The following DIAPH1 variants were observed in gnomAD, a reference collection of about 807,000 sequenced individuals.
DIAPH1 encodes the protein diaphanous related formin 1.
A neutral mutation model predicts 140.7 loss-of-function variants in DIAPH1; 46 were observed. That is an observed-to-expected ratio of 0.33 (90% CI 0.26 to 0.42). The LOEUF (loss-of-function observed/expected upper bound fraction) is 0.42. Among genes scored for constraint, DIAPH1 ranks in the 10% least tolerant of loss-of-function variants. The pLI is 1.00. For synonymous variants in DIAPH1, 565 were observed against 551.6 expected (o/e 1.02, Z -0.34); for missense variants, 1,310 against 1,558.7 (o/e 0.84, Z 2.69).
Position 141,516,829 on chromosome 5 carries a change from T to A in DIAPH1, c.*22A>T, listed in dbSNP as rs768757611. ...ACAGTCTGCGGCTCCGCTGAGGAGCTGCCGCGGTCACAGGACCCACATTAG... is the reference window on the plus strand; with the variant it reads ...ACAGTCTGCGGCTCCGCTGAGGAGCAGCCGCGGTCACAGGACCCACATTAG... On this transcript the variant is annotated 3_prime_UTR_variant, in exon 28 of 28. Coordinates refer to ENST00000389054, the MANE Select transcript of DIAPH1 (RefSeq NM_005219.5). The A allele has an allele frequency of 3.1e-6, 5 of 1,613,464 alleles. No individual in the cohort carries two copies. Among genetic ancestry groups the A allele is most frequent in the African/African-American group, 1.3e-5 (1 of 74,934 alleles).
At chr5:141,618,604 C>G in intron 1 of DIAPH1, 194 bp downstream of exon 1, 2 of 489,114 alleles carry the variant, frequency 4.1e-6, no homozygotes, top group South Asian at 5.0e-5. Context: ...GGGCAAGAGC[C>G]GGGTGGGATT....
chr5:141,525,911 A>G, intron 26 of DIAPH1, 127 bp downstream of exon 26: 2 of 1,455,406 alleles, frequency 1.4e-6, no homozygotes, highest in Non-Finnish European at 1.9e-6. Context: ...AGGATCTCGG[A>G]GTGAAGACTG....
intron 1 of DIAPH1, among the ~76,000 whole-genome samples, chr5:141,617,312 A>G (rs987914353): frequency 5.3e-5 from 8 of 152,134 alleles, no homozygotes; most frequent in Admixed American, 1.3e-4. Context: ...GGGGAAAAAA[A>G]GATGTTCACC....
chr5:141,584,244 A>G lies in DIAPH1; in HGVS notation c.301-19T>C, dbSNP rs1331071780. 1 of 1,522,806 alleles carries G rather than the reference A, an allele frequency of 6.6e-7. No homozygotes were observed. Among genetic ancestry groups the G allele is most frequent in the Non-Finnish European group, 9.1e-7 (1 of 1,098,502 alleles). The allele number at this position is 1,522,806 out of a possible 1,614,324, so 94.3% of individuals were successfully genotyped here. The stretch of plus-strand genomic sequence containing the variant: ...TATCCAGCTAGGAGAGGGAGAAAAA[A>G]GAGAAAAAACAAAATTGCCTCAAAT... On this transcript the variant is annotated intron_variant, in intron 3 of 27. Transcript: ENST00000389054.
At chr5:141,588,354 G>T in intron 1 of DIAPH1, 104 bp from the exon 2 acceptor site, 1 of 824,238 alleles carries the variant, frequency 1.2e-6, no homozygotes, top group Non-Finnish European at 2.1e-6. Context: ...GAGAGAAGTT[G>T]AAAGGATCCA....
intron 24 of DIAPH1, 27 bp downstream of exon 24, chr5:141,527,546 C>G (rs778617853): frequency 1.2e-6 from 2 of 1,612,878 alleles, no homozygotes; most frequent in Admixed American, 3.3e-5. Flanking sequence ...TCCTAGGGAA[C>G]AACTCCCTCC....
intron 8 of DIAPH1, 113 bp downstream of exon 8, chr5:141,580,631 A>T: frequency 2.8e-6 from 3 of 1,065,802 alleles, no homozygotes; most frequent in Non-Finnish European, 4.3e-6. Flanking sequence ...AAGAAACACA[A>T]TCTTACCTAG....
chr5:141,561,365 T>G (rs2099893499), intron 18 of DIAPH1, among the ~76,000 whole-genome samples: 1 of 136,212 alleles, frequency 7.3e-6, no homozygotes. Flanking sequence ...AAGAGTTTTG[T>G]TTTTTTTTTT....
At chr5:141,591,716 A>ATATATATATATATATATTTATC (rs2099898485) in intron 1 of DIAPH1, among the ~76,000 whole-genome samples, 1 of 116,432 alleles carries the variant, frequency 8.6e-6, no homozygotes, top group Non-Finnish European at 1.8e-5. Context: ...ATATATATAT[A>ATATATATATATATATATTTATC]TATATATATA....
intron 1 of DIAPH1, among the ~76,000 whole-genome samples, chr5:141,601,038 G>C (rs540354668): frequency 2.4e-4 from 37 of 152,042 alleles, no homozygotes; most frequent in African/African-American, 8.4e-4. Context: ...GAGAACACCT[G>C]GACACAAGGT....
chr5:141,583,332 T>A, intron 5 of DIAPH1, 40 bp from the exon 6 acceptor site: 1 of 1,607,912 alleles, frequency 6.2e-7, no homozygotes, highest in Non-Finnish European at 8.5e-7. Context: ...ATCAAACCAA[T>A]AAATACTTAT....
At chr5:141,561,007 A>G (rs2154595962) in intron 18 of DIAPH1, 1 of 449,676 alleles carries the variant, frequency 2.2e-6, no homozygotes, top group East Asian at 7.0e-5. Context: ...CTTCTCCTCC[A>G]ATCCCTAGTC....
chr5:141,616,850 A>C (rs2099902766), intron 1 of DIAPH1, among the ~76,000 whole-genome samples: 1 of 152,222 alleles, frequency 6.6e-6, no homozygotes. Context: ...CTCTAAAGCA[A>C]ATACCTACAA....
At chr5:141,618,523 C>A in intron 1 of DIAPH1, 1 of 345,496 alleles carries the variant, frequency 2.9e-6, no homozygotes, top group Non-Finnish European at 5.4e-6. Flanking sequence ...GGGCTGAGAG[C>A]CGGCCGGGGA....
In DIAPH1 at chr5:141,579,175, T is replaced by C. The variant is rs768839214; in HGVS notation, c.846A>G (p.Ala282=). ...PEDMNERVLE[A]MTERAEMDEV... is the part of the protein sequence containing the mutation. ...CATCCATCTCAGCTCTTTCTGTCAT[T>C]GCCTCCAAAACCCTTTCATTCCTGC... Residue 282 remains alanine (A), a synonymous_variant, in exon 9 of 28, where the codon GCA becomes GCG. Transcript: ENST00000389054. The C allele has an allele frequency of 1.2e-6, 2 of 1,614,160 alleles. No homozygotes were observed. The highest frequency in any genetic ancestry group is 3.3e-5 in the Admixed American group (2 of 60,024).
intron 18 of DIAPH1, among the ~76,000 whole-genome samples, chr5:141,545,522 T>TA (rs2154595483): frequency 6.6e-6 from 1 of 152,226 alleles, no homozygotes; most frequent in African/African-American, 2.4e-5. Flanking sequence ...CACATGCTTA[T>TA]AGTCCCAGCT....
intron 1 of DIAPH1, chr5:141,618,499 A>G: frequency 3.3e-6 from 1 of 304,732 alleles, no homozygotes; most frequent in Non-Finnish European, 6.2e-6. Flanking sequence ...AGTGAGGCTG[A>G]GAGGGGAGAG....
intron 19 of DIAPH1, among the ~76,000 whole-genome samples, chr5:141,532,885 C>T (rs1054443610): frequency 4.6e-5 from 7 of 152,168 alleles, no homozygotes; most frequent in Non-Finnish European, 7.3e-5. Flanking sequence ...AAACCAATTA[C>T]TCATGTCTTA....
At chr5:141,526,492 A>C (rs1037967437) in intron 24 of DIAPH1, 31 bp from the exon 25 acceptor site, 14 of 1,614,086 alleles carry the variant, frequency 8.7e-6, no homozygotes, top group Non-Finnish European at 1.0e-5. Flanking sequence ...ACCAAGACCA[A>C]GACCAAGAAG....
Sources: allele counts gnomAD v4.1 joint callset (sites outside exome capture counted in the v4.1 genomes callset), GRCh38; gene constraint gnomAD v4.1.1; transcripts MANE v1.5; gene names NCBI Gene and HGNC (gene_info 2026-07-23, HGNC 2026-07-21).